ADD2: variants seen among roughly 807,000 people sequenced by gnomAD.
ADD2 encodes adducin 2, also known as beta-adducin.
A neutral mutation model predicts 83.0 loss-of-function variants in ADD2; 23 were observed. The observed-to-expected ratio is 0.28, with a 90% CI of 0.20 to 0.39. The LOEUF (loss-of-function observed/expected upper bound fraction) is 0.39. Among genes scored for constraint, ADD2 ranks in the 10% least tolerant of loss-of-function variants. ADD2 has a pLI of 1.00. For missense variants in ADD2, 758 were observed against 944.9 expected, an observed-to-expected ratio of 0.80 and a Z score of 2.59; for synonymous variants, 375 against 375.4, an observed-to-expected ratio of 1.00 and a Z score of 0.01.
chr2:70,671,519 C>A (rs911298075), intron 15 of ADD2, among the ~76,000 whole-genome samples: 2 of 152,094 alleles, frequency 1.3e-5, no homozygotes, highest in African/African-American at 2.4e-5. Flanking sequence ...CCTCCCTCCC[C>A]CATTGCAAGG....
chr2:70,673,786 G>A (rs1450548507), intron 14 of ADD2, among the ~76,000 whole-genome samples: 2 of 152,062 alleles, frequency 1.3e-5, no homozygotes, highest in Non-Finnish European at 2.9e-5. Flanking sequence ...TAGTAGAGAC[G>A]GGGTTTCACC....
At position 70,683,707 on chromosome 2, in the gene ADD2, G is replaced by T; in HGVS notation, c.1009C>A (p.His337Asn). ...ENLILLEQEKHRPHEVGSVQW... is the reference protein window; with the variant it reads ...ENLILLEQEKNRPHEVGSVQW... ...ACGGAGCCCACCTCATGGGGCCGGT[G>T]CTTCTCCTGCTCCAGGAGGATGAGG... is the stretch of plus-strand genomic sequence containing the variant. The change falls in exon 10 of 16, where the codon CAC becomes AAC. Residue 337 changes from histidine (H) to asparagine (N), a missense_variant. His to Asn is a moderately conservative substitution (Grantham distance 68). Around this residue, in one of 5 missense-constraint regions of ADD2, gnomAD observed 394 missense variants for 509.3 expected, o/e 0.77. Transcript: ENST00000264436. The T allele has an allele frequency of 4.3e-6, 7 of 1,614,160 alleles. No individual in the cohort carries two copies. The highest frequency in any genetic ancestry group is 5.1e-6 in the Non-Finnish European group (6 of 1,180,008).
chr2:70,750,667 G>C (rs971517893), intron 1 of ADD2, among the ~76,000 whole-genome samples: 1 of 152,136 alleles, frequency 6.6e-6, no homozygotes, highest in East Asian at 1.9e-4. Context: ...GAGGGAGCAC[G>C]GCCTTGTCAG....
At chr2:70,718,533 C>A (rs1245636228) in intron 1 of ADD2, among the ~76,000 whole-genome samples, 1 of 152,196 alleles carries the variant, frequency 6.6e-6, no homozygotes, top group Admixed American at 6.5e-5. Context: ...GTGTTTAATG[C>A]TTGTTGGGAA....
At chr2:70,742,426 G>A (rs985602433) in intron 1 of ADD2, among the ~76,000 whole-genome samples, 17 of 152,030 alleles carry the variant, frequency 1.1e-4, no homozygotes, top group Admixed American at 3.3e-4. Flanking sequence ...GGTGTTCTTA[G>A]CTAACTTTTA....
intron 8 of ADD2, among the ~76,000 whole-genome samples, chr2:70,688,642 A>G (rs4852221): frequency 0.29 from 44,173 of 152,066 alleles, 6,786 homozygotes; most frequent in East Asian, 0.44. Context: ...AGGTGGCCCT[A>G]CAGAAACAGG....
At chr2:70,757,632 T>G (rs1304932935) in intron 1 of ADD2, among the ~76,000 whole-genome samples, 2 of 152,174 alleles carry the variant, frequency 1.3e-5, no homozygotes, top group Non-Finnish European at 2.9e-5. Context: ...AGATAATCAG[T>G]ATGGATGCTC....
At chr2:70,737,522 C>G (rs1266924703) in intron 1 of ADD2, among the ~76,000 whole-genome samples, 4 of 135,512 alleles carry the variant, frequency 3.0e-5, no homozygotes, top group African/African-American at 1.1e-4. Context: ...GGGAATTGAA[C>G]AATGAGAACA....
At chr2:70,715,729 C>A (rs1672427296) in intron 1 of ADD2, among the ~76,000 whole-genome samples, 1 of 152,166 alleles carries the variant, frequency 6.6e-6, no homozygotes, top group African/African-American at 2.4e-5. Context: ...GACCATCACT[C>A]CTGCTCACCA....
chr2:70,697,273 A>G (rs1427103861), intron 4 of ADD2, among the ~76,000 whole-genome samples: 3 of 152,256 alleles, frequency 2.0e-5, no homozygotes, highest in Non-Finnish European at 4.4e-5. Flanking sequence ...GGCCTCAGGC[A>G]GGGTACCTAG....
At chr2:70,699,616 T>C (rs1190292471) in intron 4 of ADD2, among the ~76,000 whole-genome samples, 1 of 151,954 alleles carries the variant, frequency 6.6e-6, no homozygotes, top group Non-Finnish European at 1.5e-5. Context: ...CTCGTCTCTA[T>C]AAAAAATTTT....
intron 1 of ADD2, among the ~76,000 whole-genome samples, chr2:70,714,479 C>A (rs912981614): frequency 6.6e-6 from 1 of 152,236 alleles, no homozygotes; most frequent in African/African-American, 2.4e-5. Context: ...CAGCCTCCTC[C>A]TCAATCCAGC....
chr2:70,704,267 C>CCCCCCCCCCCCCCCCCCCCCCA, intron 4 of ADD2, 54 bp downstream of exon 4: 1 of 1,066,672 alleles, frequency 9.4e-7, no homozygotes. Context: ...CTCTCTTCCC[C>CCCCCCCCCCCCCCCCCCCCCCA]ACCCCACCCT....
At position 70,660,692 on chromosome 2, in the gene ADD2, C is replaced by T. The variant is rs570012219; in HGVS notation, c.*2733G>A. ...CATGCTCTGGCAATGCCACGTTGCT[C>T]AGCGGAACCCATCATGGCATTTCAT... On this transcript the variant is annotated 3_prime_UTR_variant, in exon 16 of 16. Coordinates refer to ENST00000264436, the MANE Select transcript of ADD2 (RefSeq NM_001617.4). The T allele has an allele frequency of 2.0e-5, 3 of 152,410 alleles. No individual in the cohort carries two copies. In the East Asian group the frequency reaches 5.8e-4, roughly 29 times the overall value. 9.4% of individuals were successfully genotyped at this position (152,410 alleles called of 1,614,324 possible). A position where few individuals can be genotyped will look rare whatever the true frequency, so the allele number is the denominator to read the frequency against.
intron 1 of ADD2, among the ~76,000 whole-genome samples, chr2:70,737,865 G>T (rs746226270): frequency 1.2e-4 from 19 of 152,168 alleles, no homozygotes; most frequent in Non-Finnish European, 2.5e-4. Flanking sequence ...GGCCAAAGGA[G>T]CACAAGTCAT....
At chr2:70,733,138 A>C (rs1186779605) in intron 1 of ADD2, among the ~76,000 whole-genome samples, 1 of 152,210 alleles carries the variant, frequency 6.6e-6, no homozygotes, top group Non-Finnish European at 1.5e-5. Context: ...CCAGGGTCCA[A>C]GGGCCATTTC....
Position 70,658,660 on chromosome 2 carries a change from C to A in ADD2, c.*4765G>T, listed in dbSNP as rs7559225. The stretch of plus-strand genomic sequence containing the variant: ...AAGGTCTTAGAGTTCAACTGAGCTC[C>A]AGTGATGAGAGAGAATGTAAAAAGA... On this transcript the variant is annotated 3_prime_UTR_variant, in exon 16 of 16. Coordinates refer to ENST00000264436, the MANE Select transcript of ADD2 (RefSeq NM_001617.4). 20,841 of 152,096 alleles carry A rather than the reference C, an allele frequency of 0.14. 1,538 individuals carry two copies. The highest frequency in any genetic ancestry group is 0.19 in the African/African-American group (7,764 of 41,464). 9.4% of individuals were successfully genotyped at this position (152,096 alleles called of 1,614,324 possible). A position where few individuals can be genotyped will look rare whatever the true frequency, so the allele number is the denominator to read the frequency against.
intron 1 of ADD2, among the ~76,000 whole-genome samples, chr2:70,740,377 C>G (rs1376882627): frequency 2.6e-5 from 4 of 152,150 alleles, no homozygotes; most frequent in Non-Finnish European, 5.9e-5. Flanking sequence ...TACAAGAAAC[C>G]TGAATCGGTT....
chr2:70,713,561 A>G (rs1419924226), intron 1 of ADD2, among the ~76,000 whole-genome samples: 1 of 152,220 alleles, frequency 6.6e-6, no homozygotes, highest in Non-Finnish European at 1.5e-5. Flanking sequence ...CAGTGAGCCA[A>G]GATCGCGCCA....
Sources: allele counts gnomAD v4.1 joint callset (sites outside exome capture counted in the v4.1 genomes callset), GRCh38; gene constraint gnomAD v4.1.1; regional missense constraint gnomAD v4.1.1; transcripts MANE v1.5; gene names NCBI Gene and HGNC (gene_info 2026-07-23, HGNC 2026-07-21).